STRN3: variants seen among roughly 807,000 people sequenced by gnomAD.
The protein encoded by STRN3 is striatin 3.
In STRN3, 29 loss-of-function variants were observed where a neutral mutation model predicts 95.6. That is an observed-to-expected ratio of 0.30 (90% CI 0.23 to 0.41). The LOEUF (loss-of-function observed/expected upper bound fraction) is 0.41. STRN3 is among the 10% of genes least tolerant of loss of function. STRN3 has a pLI of 1.00. For synonymous variants in STRN3, 331 were observed against 357.6 expected (o/e 0.93, Z 0.84); for missense variants, 890 against 972.1 (o/e 0.92, Z 1.12).
intron 1 of STRN3, among the ~76,000 whole-genome samples, chr14:31,019,049 C>G (rs1243348985): frequency 6.6e-6 from 1 of 152,106 alleles, no homozygotes; most frequent in African/African-American, 2.4e-5. Context: ...GTGGCTCATG[C>G]CTTTAATCCC....
At chr14:30,937,801 A>C (rs1481705521) in intron 5 of STRN3, among the ~76,000 whole-genome samples, 1 of 152,208 alleles carries the variant, frequency 6.6e-6, no homozygotes, top group African/African-American at 2.4e-5. Context: ...ATGGTAACAA[A>C]AAGAAAAATA....
At chr14:30,897,298 T>C (rs1055002672) in intron 16 of STRN3, among the ~76,000 whole-genome samples, 4 of 152,096 alleles carry the variant, frequency 2.6e-5, no homozygotes, top group Admixed American at 1.3e-4. Context: ...AAAAGTAATA[T>C]AGTAGGCCAG....
chr14:30,945,467 T>C (rs970625775), intron 5 of STRN3, among the ~76,000 whole-genome samples: 4 of 152,080 alleles, frequency 2.6e-5, no homozygotes, highest in African/African-American at 9.7e-5. Context: ...TAGTCAGGCA[T>C]GGTGTTGTGA....
chr14:31,004,576 C>T (rs1415880862), intron 1 of STRN3, among the ~76,000 whole-genome samples: 1 of 151,922 alleles, frequency 6.6e-6, no homozygotes, highest in Non-Finnish European at 1.5e-5. Context: ...GAGTTCAAGG[C>T]CAGCCTGGCC....
intron 1 of STRN3, among the ~76,000 whole-genome samples, chr14:30,967,781 GAT>G (rs1464561642): frequency 6.6e-6 from 1 of 152,218 alleles, no homozygotes; most frequent in Non-Finnish European, 1.5e-5. Context: ...GTTAGAAAAA[GAT>G]GATTTATCAT....
intron 9 of STRN3, 62 bp from the exon 10 acceptor site, chr14:30,913,719 G>A: frequency 6.6e-7 from 1 of 1,524,926 alleles, no homozygotes; most frequent in Non-Finnish European, 8.8e-7. Flanking sequence ...ACAATATTGT[G>A]GGGAAAATTT....
At position 30,912,033 on chromosome 14, in the gene STRN3, G is replaced by A; in HGVS notation, c.1524C>T (p.Asn508=). 6.2e-7 allele frequency: 1 copy of A among 1,608,378 alleles called. No individual in the cohort carries two copies. The highest frequency in any genetic ancestry group is 8.5e-7 in the Non-Finnish European group (1 of 1,178,696). Residue 508 remains asparagine, a synonymous_variant, in exon 11 of 18, where the codon AAC becomes AAT. Coordinates refer to ENST00000357479, the MANE Select transcript of STRN3 (RefSeq NM_001083893.2). The part of the protein sequence containing the change: ...ASEDHTLKLW[N]LQKTVPAKKS... ...TTTTGGCAGGAACTGTTTTTTGCAG[G>A]TTCCAAAGTTTCAGGGTATGGTCCT...
At chr14:31,010,354 A>G (rs1156674274) in intron 1 of STRN3, among the ~76,000 whole-genome samples, 2 of 146,942 alleles carry the variant, frequency 1.4e-5, no homozygotes, top group East Asian at 2.1e-4. Context: ...AGCATTAGGT[A>G]TATCTCCTAA....
At chr14:31,014,054 C>A (rs1390800582) in intron 1 of STRN3, among the ~76,000 whole-genome samples, 1 of 151,690 alleles carries the variant, frequency 6.6e-6, no homozygotes, top group Non-Finnish European at 1.5e-5. Context: ...AGGTACAACA[C>A]CATTGTGTCC....
chr14:30,916,130 A>G (rs1376085234), intron 9 of STRN3, among the ~76,000 whole-genome samples: 1 of 152,154 alleles, frequency 6.6e-6, no homozygotes, highest in Non-Finnish European at 1.5e-5. Context: ...TGGTAATCAC[A>G]GCAGCTACTC....
intron 1 of STRN3, among the ~76,000 whole-genome samples, chr14:30,997,875 C>T (rs893940315): frequency 2.0e-5 from 3 of 152,078 alleles, no homozygotes; most frequent in African/African-American, 7.2e-5. Flanking sequence ...ATAAAAGCAA[C>T]AAAAACATGG....
At chr14:31,023,698 C>A (rs1334214723) in intron 1 of STRN3, among the ~76,000 whole-genome samples, 1 of 151,988 alleles carries the variant, frequency 6.6e-6, no homozygotes, top group East Asian at 1.9e-4. Context: ...TCACTACACC[C>A]TCCCACAAAT....
chr14:30,895,973 C>T (rs937979842), intron 16 of STRN3, among the ~76,000 whole-genome samples: 4 of 152,096 alleles, frequency 2.6e-5, no homozygotes, highest in African/African-American at 4.8e-5. Flanking sequence ...TCTAGAGTTC[C>T]GAACATTTTC....
At chr14:31,001,980 C>G (rs1882473711) in intron 1 of STRN3, among the ~76,000 whole-genome samples, 1 of 150,230 alleles carries the variant, frequency 6.7e-6, no homozygotes, top group Admixed American at 6.6e-5. Context: ...GCCTGACCAA[C>G]ATGGAGAAAC....
At chr14:30,972,226 A>C (rs1371830086) in intron 1 of STRN3, among the ~76,000 whole-genome samples, 1 of 151,748 alleles carries the variant, frequency 6.6e-6, no homozygotes, top group Non-Finnish European at 1.5e-5. Flanking sequence ...CTACGTTCCA[A>C]TCACTTGCTC....
intron 1 of STRN3, chr14:31,025,348 G>A: frequency 6.3e-6 from 1 of 159,838 alleles, no homozygotes. Flanking sequence ...TCACAGGTCA[G>A]TCCCAAGTCA....
At chr14:30,922,057 A>G (rs569834165) in intron 8 of STRN3, among the ~76,000 whole-genome samples, 1 of 150,994 alleles carries the variant, frequency 6.6e-6, no homozygotes, top group East Asian at 1.9e-4. Flanking sequence ...TGGCTAATTT[A>G]AAAAAAAATT....
At chr14:30,986,895 C>G (rs1050937773) in intron 1 of STRN3, among the ~76,000 whole-genome samples, 3 of 152,132 alleles carry the variant, frequency 2.0e-5, no homozygotes, top group African/African-American at 7.2e-5. Context: ...ATTTAATTTA[C>G]TCTTTATAGT....
chr14:30,962,310 G>A (rs76005405), intron 1 of STRN3, among the ~76,000 whole-genome samples: 14,633 of 152,128 alleles, frequency 0.096, 768 homozygotes, highest in South Asian at 0.16. Flanking sequence ...TTAAAACGCT[G>A]AAAAAATTAA....
Sources: gnomAD v4.1 joint callset for allele counts (sites outside exome capture counted in the v4.1 genomes callset) on GRCh38, gnomAD v4.1.1 for gene constraint, MANE v1.5 for transcripts, NCBI Gene and HGNC (gene_info 2026-07-23, HGNC 2026-07-21) for gene names.